ATP6V1E2: variants seen among roughly 807,000 people sequenced by gnomAD.
ATP6V1E2 encodes the protein V-type proton ATPase subunit E 2.
For missense variants in ATP6V1E2, 308 were observed against 273.3 expected (o/e 1.13, Z -0.90); for synonymous variants, 121 against 104.2 (o/e 1.16, Z -0.98).
intron 4 of ATP6V1E2, among the ~76,000 whole-genome samples, chr2:46,531,112 T>C (rs1667161568): frequency 6.6e-6 from 1 of 152,244 alleles, no homozygotes; most frequent in Non-Finnish European, 1.5e-5. Context: ...TGCCTCTATC[T>C]AGCTTCAAAA....
At chr2:46,538,619 TGGG>T (rs2103947142) in intron 2 of ATP6V1E2, among the ~76,000 whole-genome samples, 1 of 152,150 alleles carries the variant, frequency 6.6e-6, no homozygotes, top group East Asian at 1.9e-4. Flanking sequence ...CCCTTTGTGA[TGGG>T]GGAGTAGTGG....
chr2:46,512,285 G>A lies in ATP6V1E2; in HGVS notation c.427C>T (p.Leu143=), dbSNP rs113605176. 5 of 1,611,412 alleles carry A rather than the reference G, an allele frequency of 3.1e-6. No homozygotes were observed. The African/African-American group carries it at 5.3e-5, about 17-fold the overall frequency. ...IVRCRPQDLL[L]VEAAVQKAIP... The stretch of plus-strand genomic sequence containing the variant: ...GCTTTTTGTACAGCAGCCTCCACCA[G>A]GAGGAGGTCTTGTGGCCGGCAGCGT... The change falls in exon 5 of 5, where the codon CTG becomes TTG. Residue 143 remains leucine, a synonymous_variant. Coordinates refer to ENST00000522587, the MANE Select transcript of ATP6V1E2 (RefSeq NM_001318063.2).
At chr2:46,534,852 C>T (rs1667364508) in intron 4 of ATP6V1E2, 1 of 152,198 alleles carries the variant, frequency 6.6e-6, no homozygotes, top group South Asian at 2.1e-4. Context: ...CAAACATTGC[C>T]CAGTGAGCCC....
intron 4 of ATP6V1E2, among the ~76,000 whole-genome samples, chr2:46,528,743 C>T (rs1667046152): frequency 2.0e-5 from 3 of 152,258 alleles, no homozygotes; most frequent in Admixed American, 2.0e-4. Flanking sequence ...TGCCTCAATT[C>T]ACCTAGAGAC....
chr2:46,526,875 T>G (rs1666948146), intron 4 of ATP6V1E2, among the ~76,000 whole-genome samples: 2 of 152,238 alleles, frequency 1.3e-5, no homozygotes, highest in South Asian at 4.1e-4. Flanking sequence ...CTGCTTTCAC[T>G]TCTTTGGGGT....
intron 4 of ATP6V1E2, among the ~76,000 whole-genome samples, chr2:46,533,778 G>T (rs1030323714): frequency 6.6e-6 from 1 of 151,956 alleles, no homozygotes; most frequent in African/African-American, 2.4e-5. Flanking sequence ...TAAGCCTTTT[G>T]TTGTCTGACA....
chr2:46,517,621 T>C (rs1484249670), intron 4 of ATP6V1E2, among the ~76,000 whole-genome samples: 3 of 152,098 alleles, frequency 2.0e-5, no homozygotes, highest in Admixed American at 2.0e-4. Flanking sequence ...ATAAGGAACT[T>C]TTACAACTCA....
At chr2:46,534,859 G>A (rs900081241) in intron 4 of ATP6V1E2, 17 of 152,310 alleles carry the variant, frequency 1.1e-4, no homozygotes, top group African/African-American at 3.6e-4. Context: ...TGCCCAGTGA[G>A]CCCTGGGAAC....
intron 4 of ATP6V1E2, among the ~76,000 whole-genome samples, chr2:46,528,412 C>T (rs549773801): frequency 6.6e-6 from 1 of 152,358 alleles, no homozygotes; most frequent in African/African-American, 2.4e-5. Context: ...AAGGTGGGAA[C>T]AGGGTGGTGG....
At chr2:46,534,011 G>A (rs1667319150) in intron 4 of ATP6V1E2, among the ~76,000 whole-genome samples, 1 of 151,848 alleles carries the variant, frequency 6.6e-6, no homozygotes, top group African/African-American at 2.4e-5. Flanking sequence ...ACTTATTACT[G>A]GTTTTCAGTG....
chr2:46,521,833 G>A (rs954026422), intron 4 of ATP6V1E2, among the ~76,000 whole-genome samples: 2 of 152,068 alleles, frequency 1.3e-5, no homozygotes, highest in African/African-American at 2.4e-5. Context: ...TGGGACTACA[G>A]GTGCATGCCA....
chr2:46,515,770 T>C (rs1687686038), intron 4 of ATP6V1E2, among the ~76,000 whole-genome samples: 2 of 152,214 alleles, frequency 1.3e-5, no homozygotes, highest in Admixed American at 6.5e-5. Context: ...ATCTTACTAT[T>C]TGCTGTCTAC....
At chr2:46,513,441 T>C (rs1229341083) in intron 4 of ATP6V1E2, among the ~76,000 whole-genome samples, 2 of 152,196 alleles carry the variant, frequency 1.3e-5, no homozygotes, top group Admixed American at 6.5e-5. Flanking sequence ...CTCCATTTGG[T>C]CTATAGCGTT....
chr2:46,541,855 G>C (rs762616545), intron 1 of ATP6V1E2: 7 of 152,326 alleles, frequency 4.6e-5, no homozygotes, highest in Non-Finnish European at 1.0e-4. Context: ...CCAAGTTTCA[G>C]AGCACTAGTG....
intron 4 of ATP6V1E2, among the ~76,000 whole-genome samples, chr2:46,518,692 A>T (rs369865420): frequency 1.8e-4 from 28 of 151,982 alleles, no homozygotes; most frequent in African/African-American, 1.9e-4. Flanking sequence ...ATGTACTTTT[A>T]AAAAAAACCT....
At chr2:46,534,721 G>A (rs564068086) in intron 4 of ATP6V1E2, 39 of 152,168 alleles carry the variant, frequency 2.6e-4, no homozygotes, top group East Asian at 3.9e-4. Context: ...GTTGGAGGAA[G>A]TCTAGAGTTA....
At chr2:46,542,172 C>G (rs1667814501) in intron 1 of ATP6V1E2, 45 bp downstream of exon 1, 1 of 151,390 alleles carries the variant, frequency 6.6e-6, no homozygotes, top group African/African-American at 2.4e-5. Flanking sequence ...GCTCAAGGAC[C>G]GCCACCACCC....
intron 4 of ATP6V1E2, among the ~76,000 whole-genome samples, chr2:46,516,685 T>G (rs142285625): frequency 6.6e-6 from 1 of 151,870 alleles, no homozygotes; most frequent in Admixed American, 6.6e-5. Flanking sequence ...CCTAAACTTA[T>G]GAGATGCAGC....
intron 4 of ATP6V1E2, among the ~76,000 whole-genome samples, chr2:46,521,571 G>C (rs1159376550): frequency 6.6e-6 from 1 of 152,178 alleles, no homozygotes; most frequent in Non-Finnish European, 1.5e-5. Context: ...TTGGAGCACA[G>C]GGCAACTTAC....
Sources: gnomAD v4.1 joint callset for allele counts (sites outside exome capture counted in the v4.1 genomes callset) on GRCh38, gnomAD v4.1.1 for gene constraint, MANE v1.5 for transcripts, NCBI Gene and HGNC (gene_info 2026-07-23, HGNC 2026-07-21) for gene names.